NSMCE2: variants seen among roughly 807,000 people sequenced by gnomAD.
NSMCE2 encodes NSE2 SUMO ligase component of SMC5/6 complex, also known as E3 SUMO-protein ligase NSE2.
A neutral mutation model predicts 23.8 loss-of-function variants in NSMCE2; 24 were observed. The ratio of observed to expected loss-of-function variants is 1.01; its 90% CI spans 0.73 to 1.42. The LOEUF is 1.42. Among genes scored for constraint, NSMCE2 ranks in the 40% most tolerant of loss-of-function variants. The pLI, the probability that NSMCE2 is intolerant of heterozygous loss-of-function variation, is 0.00. For missense variants in NSMCE2, 284 were observed against 296.5 expected, an observed-to-expected ratio of 0.96 and a Z score of 0.31; for synonymous variants, 92 against 94.1, an observed-to-expected ratio of 0.98 and a Z score of 0.13.
At chr8:125,130,076 A>G in intron 3 of NSMCE2, 1 of 330,000 alleles carries the variant, frequency 3.0e-6, no homozygotes, top group East Asian at 7.6e-5. Context: ...TCATCTTCGT[A>G]GACGCTTCTT....
At chr8:125,193,422 G>A (rs964421167) in intron 5 of NSMCE2, among the ~76,000 whole-genome samples, 3 of 152,140 alleles carry the variant, frequency 2.0e-5, no homozygotes, top group Admixed American at 6.5e-5. Context: ...CTTCACAAAA[G>A]AAGATAAACA....
intron 5 of NSMCE2, among the ~76,000 whole-genome samples, chr8:125,319,332 A>G (rs2131261859): frequency 6.6e-6 from 1 of 152,348 alleles, no homozygotes; most frequent in East Asian, 1.9e-4. Flanking sequence ...TAAAATTACC[A>G]GGCAAACAGG....
chr8:125,117,494 G>GT (rs1819063957), intron 3 of NSMCE2, among the ~76,000 whole-genome samples: 1 of 151,934 alleles, frequency 6.6e-6, no homozygotes, highest in South Asian at 2.1e-4. Context: ...CAGTTAATGC[G>GT]TTTTCTTTGT....
intron 5 of NSMCE2, among the ~76,000 whole-genome samples, chr8:125,351,044 A>G (rs1813010214): frequency 6.6e-6 from 1 of 152,212 alleles, no homozygotes; most frequent in Non-Finnish European, 1.5e-5. Context: ...AGCAGAACCT[A>G]CTAGTGGATT....
intron 5 of NSMCE2, among the ~76,000 whole-genome samples, chr8:125,277,815 G>T (rs1165368084): frequency 6.6e-6 from 1 of 151,890 alleles, no homozygotes; most frequent in Non-Finnish European, 1.5e-5. Context: ...CGCCCAGCCT[G>T]TCATCTTCTT....
intron 3 of NSMCE2, among the ~76,000 whole-genome samples, chr8:125,150,853 G>A (rs546352543): frequency 4.2e-4 from 64 of 152,254 alleles, no homozygotes; most frequent in African/African-American, 1.4e-3. Flanking sequence ...GAGGTGTAGT[G>A]ATTGATTTAA....
At chr8:125,304,937 AAGG>A (rs1563773725) in intron 5 of NSMCE2, among the ~76,000 whole-genome samples, 2 of 134,264 alleles carry the variant, frequency 1.5e-5, no homozygotes, top group South Asian at 2.5e-4. Context: ...GAAGGAAAGA[AAGG>A]AAGGAAGGAA....
At chr8:125,350,096 A>G (rs1209562343) in intron 5 of NSMCE2, among the ~76,000 whole-genome samples, 1 of 152,200 alleles carries the variant, frequency 6.6e-6, no homozygotes, top group Non-Finnish European at 1.5e-5. Context: ...GGACTATTTT[A>G]GACTCTGGGA....
At chr8:125,158,511 C>T (rs1821439410) in intron 4 of NSMCE2, among the ~76,000 whole-genome samples, 1 of 152,166 alleles carries the variant, frequency 6.6e-6, no homozygotes, top group African/African-American at 2.4e-5. Context: ...CTGACCACAG[C>T]ACTCCAGGTA....
At chr8:125,100,605 A>G (rs1265610496) in intron 1 of NSMCE2, among the ~76,000 whole-genome samples, 1 of 151,758 alleles carries the variant, frequency 6.6e-6, no homozygotes, top group Non-Finnish European at 1.5e-5. Context: ...TCTGTTGCCC[A>G]GGCTGGAGTG....
chr8:125,117,409 G>C (rs914908821), intron 3 of NSMCE2, among the ~76,000 whole-genome samples: 1 of 152,030 alleles, frequency 6.6e-6, no homozygotes, highest in African/African-American at 2.4e-5. Context: ...GGCTTTTTGT[G>C]TGTTTCCAAG....
chr8:125,349,022 C>CAT (rs1812912532), intron 5 of NSMCE2: 1 of 116,484 alleles, frequency 8.6e-6, no homozygotes, highest in African/African-American at 3.9e-5. Context: ...CACACACACA[C>CAT]ACACACACAC....
At chr8:125,346,396 G>T (rs561376175) in intron 5 of NSMCE2, among the ~76,000 whole-genome samples, 1 of 152,320 alleles carries the variant, frequency 6.6e-6, no homozygotes, top group African/African-American at 2.4e-5. Context: ...TTGAGTACCT[G>T]CACAGGTGGT....
intron 1 of NSMCE2, among the ~76,000 whole-genome samples, chr8:125,100,685 C>T (rs551001715): frequency 8.3e-4 from 126 of 152,232 alleles, no homozygotes; most frequent in Middle Eastern, 3.4e-3. Flanking sequence ...CCCAGCTTCC[C>T]GAGTAGCTGG....
chr8:125,228,872 C>T (rs187533354), intron 5 of NSMCE2, among the ~76,000 whole-genome samples: 198 of 152,256 alleles, frequency 1.3e-3, no homozygotes, highest in African/African-American at 4.4e-3. Flanking sequence ...CACTCACAGA[C>T]GGAAGTAGAA....
intron 5 of NSMCE2, among the ~76,000 whole-genome samples, chr8:125,347,077 T>C (rs1812796226): frequency 6.6e-6 from 1 of 152,232 alleles, no homozygotes; most frequent in Non-Finnish European, 1.5e-5. Context: ...TATCTACAGC[T>C]TGCTATTTGC....
chr8:125,182,189 T>G lies in NSMCE2; in HGVS notation c.351T>G (p.Asp117Glu), dbSNP rs1291224236. The G allele has an allele frequency of 2.5e-6, 4 of 1,606,864 alleles. No individual in the cohort carries two copies. The highest frequency in any genetic ancestry group is 3.4e-6 in the Non-Finnish European group (4 of 1,175,638). Residue 117 changes from aspartate (D) to glutamate (E), a missense_variant, in exon 5 of 8, where the codon GAT (aspartate) becomes GAG (glutamate). Physicochemically the swap from Asp to Glu is conservative, Grantham distance 45. This residue lies in a region of NSMCE2 where 182 missense variants were observed against 155.5 expected (regional missense o/e 1.17). Transcript: ENST00000287437. ...TGGCTTTACAGAGCAAGAATTCTGA[T>G]GCAGACTTTCAAAATAATGAAAAAT... ...KFLALQSKNS[D>E]ADFQNNEKFV...
At chr8:125,241,045 T>C (rs1825747461) in intron 5 of NSMCE2, among the ~76,000 whole-genome samples, 1 of 152,186 alleles carries the variant, frequency 6.6e-6, no homozygotes, top group Non-Finnish European at 1.5e-5. Flanking sequence ...TCAGACTTTT[T>C]TGAATTTTGG....
intron 5 of NSMCE2, among the ~76,000 whole-genome samples, chr8:125,189,703 G>A (rs998421498): frequency 6.6e-6 from 1 of 152,156 alleles, no homozygotes; most frequent in South Asian, 2.1e-4. Context: ...AGCATTTATA[G>A]GGTTGAGATC....
Sources: gnomAD v4.1 joint callset for allele counts (sites outside exome capture counted in the v4.1 genomes callset) on GRCh38, gnomAD v4.1.1 for gene constraint, gnomAD v4.1.1 regional missense constraint, MANE v1.5 for transcripts, NCBI Gene and HGNC (gene_info 2026-07-23, HGNC 2026-07-21) for gene names.